The following BCKDHB variants were observed in gnomAD, a reference collection of about 807,000 sequenced individuals.
The protein encoded by BCKDHB is branched chain keto acid dehydrogenase E1 subunit beta, also known as 2-oxoisovalerate dehydrogenase subunit beta, mitochondrial.
BCKDHB carries 41 observed loss-of-function variants against 48.5 expected under a neutral mutation model. The observed-to-expected ratio is 0.85, with a 90% CI of 0.66 to 1.10. The LOEUF (loss-of-function observed/expected upper bound fraction) is 1.10, where lower values mean the gene tolerates loss of function less well. BCKDHB is among the 50% of genes least tolerant of loss of function. BCKDHB has a pLI of 0.00. For synonymous variants in BCKDHB, 201 were observed against 174.8 expected, an observed-to-expected ratio of 1.15 and a Z score of -1.18; for missense variants, 496 against 494.2, an observed-to-expected ratio of 1.00 and a Z score of -0.03.
chr6:80,246,259 A>C (rs1186619291), intron 8 of BCKDHB, among the ~76,000 whole-genome samples: 1 of 152,204 alleles, frequency 6.6e-6, no homozygotes, highest in Non-Finnish European at 1.5e-5. Flanking sequence ...TTCTCAGTGC[A>C]TGGGAAGCAT....
chr6:80,257,699 A>G (rs1337400019), intron 8 of BCKDHB, among the ~76,000 whole-genome samples: 1 of 152,016 alleles, frequency 6.6e-6, no homozygotes, highest in African/African-American at 2.4e-5. Flanking sequence ...AGAACCGGAG[A>G]AGACAATAGC....
At chr6:80,228,935 A>G (rs1323538802) in intron 8 of BCKDHB, among the ~76,000 whole-genome samples, 1 of 152,184 alleles carries the variant, frequency 6.6e-6, no homozygotes, top group African/African-American at 2.4e-5. Context: ...TTGGGAGACT[A>G]AGAACTCCTC....
intron 8 of BCKDHB, among the ~76,000 whole-genome samples, chr6:80,226,710 C>T (rs1364587424): frequency 1.3e-5 from 2 of 152,170 alleles, no homozygotes; most frequent in African/African-American, 4.8e-5. Context: ...GAAAGGTTTC[C>T]AGCTGTAGCT....
At chr6:80,207,080 G>C (rs1774700972) in intron 8 of BCKDHB, among the ~76,000 whole-genome samples, 1 of 151,964 alleles carries the variant, frequency 6.6e-6, no homozygotes, top group South Asian at 2.1e-4. Context: ...CTAAAAGAAG[G>C]TACTGCAAGG....
chr6:80,174,816 G>T (rs1276736273), intron 6 of BCKDHB, among the ~76,000 whole-genome samples: 1 of 152,152 alleles, frequency 6.6e-6, no homozygotes, highest in South Asian at 2.1e-4. Flanking sequence ...CTTGATTAAA[G>T]CCTGTGGGAC....
intron 8 of BCKDHB, among the ~76,000 whole-genome samples, chr6:80,251,119 G>T (rs1174809289): frequency 6.6e-6 from 1 of 152,094 alleles, no homozygotes; most frequent in East Asian, 1.9e-4. Context: ...ATTCACAACT[G>T]TTGAAGTTGA....
intron 9 of BCKDHB, among the ~76,000 whole-genome samples, chr6:80,319,895 T>G (rs1768630713): frequency 6.6e-6 from 1 of 152,210 alleles, no homozygotes. Context: ...GGGATTGGTT[T>G]GTCAGCCACA....
At chr6:80,450,243 G>GTTTT in the BCKDHB span, among the ~76,000 whole-genome samples, 2 of 152,170 alleles carry the variant, frequency 1.3e-5, no homozygotes, top group Non-Finnish European at 2.9e-5. Flanking sequence ...AAAATGAAGT[G>GTTTT]TAAAAGTAAA....
At chr6:80,390,681 C>T in the BCKDHB span, among the ~76,000 whole-genome samples, 1 of 152,060 alleles carries the variant, frequency 6.6e-6, no homozygotes, top group African/African-American at 2.4e-5. Flanking sequence ...ACAATTATGA[C>T]CTTACTATTG....
intron 9 of BCKDHB, among the ~76,000 whole-genome samples, chr6:80,278,969 G>C (rs541349010): frequency 6.6e-6 from 1 of 152,200 alleles, no homozygotes; most frequent in South Asian, 2.1e-4. Context: ...TAAAACATTT[G>C]TGTAATAAAA....
chr6:80,241,228 T>C (rs1776374273), intron 8 of BCKDHB, among the ~76,000 whole-genome samples: 1 of 152,186 alleles, frequency 6.6e-6, no homozygotes, highest in African/African-American at 2.4e-5. Context: ...TTGTTATTAC[T>C]GATCTTCTGA....
the BCKDHB span, among the ~76,000 whole-genome samples, chr6:80,463,734 A>G: frequency 6.6e-6 from 1 of 152,194 alleles, no homozygotes; most frequent in Non-Finnish European, 1.5e-5. Context: ...ATAAGCATCT[A>G]TTATATGCCA....
intron 8 of BCKDHB, among the ~76,000 whole-genome samples, chr6:80,259,929 C>T (rs886118375): frequency 1.3e-5 from 2 of 152,176 alleles, no homozygotes; most frequent in Admixed American, 1.3e-4. Flanking sequence ...CAACCCCACA[C>T]CATGACTCTA....
the BCKDHB span, among the ~76,000 whole-genome samples, chr6:80,405,860 G>T: frequency 6.6e-6 from 1 of 152,048 alleles, no homozygotes; most frequent in Admixed American, 6.6e-5. Flanking sequence ...AAGTTCTAGG[G>T]TACATGTGGA....
chr6:80,210,164 T>C (rs1180774839), intron 8 of BCKDHB, among the ~76,000 whole-genome samples: 1 of 147,446 alleles, frequency 6.8e-6, no homozygotes, highest in Non-Finnish European at 1.5e-5. Flanking sequence ...ACCAGAAGCG[T>C]TCATAGGAAC....
Position 80,323,354 on chromosome 6 carries a change from A to G in BCKDHB, c.1039-20310A>G, listed in dbSNP as rs181895378. Among the ~76,000 whole-genome samples, 6 of 152,138 alleles carry G rather than the reference A, an allele frequency of 3.9e-5. No homozygotes were observed. The East Asian group carries it at 9.7e-4, about 24-fold the overall frequency. ...GTACAAATTGACTTTTGTTTTTTTA[A>G]TTATCAATTTTGTTTCTGTAACTGC... On this transcript the variant is annotated intron_variant, in intron 9 of 9. Coordinates refer to ENST00000320393, the MANE Select transcript of BCKDHB (RefSeq NM_183050.4).
intron 3 of BCKDHB, among the ~76,000 whole-genome samples, chr6:80,148,776 C>A (rs1245824564): frequency 6.6e-6 from 1 of 152,100 alleles, no homozygotes; most frequent in Non-Finnish European, 1.5e-5. Flanking sequence ...ATGTAGAAAG[C>A]TGAAACTGGA....
chr6:80,274,328 A>G (rs73463531), intron 9 of BCKDHB, among the ~76,000 whole-genome samples: 11,502 of 152,070 alleles, frequency 0.076, 618 homozygotes, highest in South Asian at 0.24. Context: ...GATAGTAAGA[A>G]AAGCAAATAT....
In BCKDHB at chr6:80,237,079, A is replaced by G. The variant is rs1490107647; in HGVS notation, c.951+33867A>G. Among the ~76,000 whole-genome samples, 5 of 152,208 alleles carry G rather than the reference A, an allele frequency of 3.3e-5. No homozygotes were observed. In the East Asian group the frequency reaches 9.6e-4, roughly 29 times the overall value. On this transcript the variant is annotated intron_variant, in intron 8 of 9. Coordinates refer to ENST00000320393, the MANE Select transcript of BCKDHB (RefSeq NM_183050.4). Reference sequence around the variant, plus strand: ...GAGAGAATTTTATAAGGGAACTGCAAGTGTTTTTCAGATATTTGAAGGTAG... The same window carrying G: ...GAGAGAATTTTATAAGGGAACTGCAGGTGTTTTTCAGATATTTGAAGGTAG...
Sources: allele counts gnomAD v4.1 joint callset (sites outside exome capture counted in the v4.1 genomes callset), GRCh38; gene constraint gnomAD v4.1.1; transcripts MANE v1.5; gene names NCBI Gene and HGNC (gene_info 2026-07-23, HGNC 2026-07-21).